The following SLCO5A1 variants were observed in gnomAD, a reference collection of about 807,000 sequenced individuals.
SLCO5A1 encodes organic anion transporter polypeptide-related protein 4.
SLCO5A1 carries 39 observed loss-of-function variants against 65.1 expected under a neutral mutation model. The ratio of observed to expected loss-of-function variants is 0.60; its 90% CI spans 0.46 to 0.78. The LOEUF (loss-of-function observed/expected upper bound fraction) is 0.78. Ranked by LOEUF, SLCO5A1 falls within the 30% of genes least tolerant of loss-of-function variation. The probability of loss-of-function intolerance (pLI) is 0.00; values close to 1 mark genes in which losing one functional copy is unlikely to be tolerated. For synonymous variants in SLCO5A1, 438 were observed against 415.7 expected (o/e 1.05, Z -0.65); for missense variants, 1,029 against 1,069.4 (o/e 0.96, Z 0.53).
intron 5 of SLCO5A1, among the ~76,000 whole-genome samples, chr8:69,711,961 A>T (rs770788545): frequency 6.6e-6 from 1 of 152,228 alleles, no homozygotes; most frequent in East Asian, 1.9e-4. Context: ...AAATTCCTAT[A>T]TGCTATTTAA....
chr8:69,731,124 C>G lies in SLCO5A1; in HGVS notation c.1423+6916G>C, dbSNP rs1041778115. 2.6e-5 allele frequency among the ~76,000 whole-genome samples: 4 copies of G among 152,190 alleles called. No homozygotes were observed. In the Middle Eastern group the frequency reaches 0.01, roughly 388 times the overall value. ...GTGATTCTCATGCCTCTCAGCCTCC[C>G]AAGTAGCTGGGATTATAGGCACGTG... On this transcript the variant is annotated intron_variant, in intron 5 of 9. Transcript: ENST00000260126.
intron 2 of SLCO5A1, among the ~76,000 whole-genome samples, chr8:69,804,463 G>A (rs976082891): frequency 6.6e-6 from 1 of 152,014 alleles, no homozygotes; most frequent in Non-Finnish European, 1.5e-5. Context: ...ACAGGCACAG[G>A]CCACCACACC....
At chr8:69,755,703 A>G in intron 3 of SLCO5A1, 62 bp from the exon 4 acceptor site, 1 of 1,444,338 alleles carries the variant, frequency 6.9e-7, no homozygotes, top group Non-Finnish European at 9.4e-7. Context: ...AGAACAAATT[A>G]GTAAAGCAGA....
chr8:69,798,788 G>T (rs930296805), intron 2 of SLCO5A1, among the ~76,000 whole-genome samples: 2 of 152,220 alleles, frequency 1.3e-5, no homozygotes, highest in Admixed American at 6.5e-5. Context: ...GGTGGATGAA[G>T]AAGTTTCCAA....
intron 6 of SLCO5A1, among the ~76,000 whole-genome samples, chr8:69,690,668 G>A (rs16936315): frequency 0.07 from 10,658 of 152,222 alleles, 918 homozygotes; most frequent in African/African-American, 0.2. Flanking sequence ...GTCTGAATAC[G>A]ATGGGGCAAT....
At chr8:69,675,089 A>ATTACCCCTTT (rs1214882407) in intron 9 of SLCO5A1, among the ~76,000 whole-genome samples, 20 of 151,614 alleles carry the variant, frequency 1.3e-4, no homozygotes, top group African/African-American at 4.8e-4. Flanking sequence ...TTCTTATTCA[A>ATTACCCCTTT]TTACCCCTTT....
chr8:69,716,811 G>T (rs1426400117), intron 5 of SLCO5A1, among the ~76,000 whole-genome samples: 1 of 146,876 alleles, frequency 6.8e-6, no homozygotes, highest in Non-Finnish European at 1.5e-5. Context: ...ACAGGGCCTT[G>T]CTCTGTCACC....
Position 69,826,206 on chromosome 8 carries a change from G to C in SLCO5A1, c.907+5561C>G, listed in dbSNP as rs1485342915. Among the ~76,000 whole-genome samples, 3 of 151,924 alleles carry C rather than the reference G, an allele frequency of 2.0e-5. No homozygotes were observed. The East Asian group carries it at 5.8e-4, about 29-fold the overall frequency. The stretch of plus-strand genomic sequence containing the variant: ...AAGAAAACCTAGGCATTACCATTCA[G>C]GACATAGGCATGGGCAAGGACTTCA... On this transcript the variant is annotated intron_variant, in intron 2 of 9. Transcript: ENST00000260126.
At chr8:69,715,995 C>T (rs1815510726) in intron 5 of SLCO5A1, among the ~76,000 whole-genome samples, 2 of 152,312 alleles carry the variant, frequency 1.3e-5, no homozygotes, top group Middle Eastern at 3.4e-3. Flanking sequence ...TTGCCCCGCA[C>T]TGCTCCAGCC....
At position 69,782,777 on chromosome 8, in the gene SLCO5A1, T is replaced by C. The variant is rs1161858145; in HGVS notation, c.908-20902A>G. On this transcript the variant is annotated intron_variant, in intron 2 of 9. Coordinates refer to ENST00000260126, the MANE Select transcript of SLCO5A1 (RefSeq NM_030958.3). ...TGTAGTCGTCTACAGTCTACTCTTATGAAAAAGACAAAAGTGCCAAATGAC... is the reference window on the plus strand; with the variant it reads ...TGTAGTCGTCTACAGTCTACTCTTACGAAAAAGACAAAAGTGCCAAATGAC... 4.6e-5 allele frequency among the ~76,000 whole-genome samples: 7 copies of C among 152,152 alleles called. No individual in the cohort carries two copies. The South Asian group carries it at 1.0e-3, about 22-fold the overall frequency.
intron 4 of SLCO5A1, among the ~76,000 whole-genome samples, chr8:69,742,883 C>T (rs142837321): frequency 7.1e-6 from 1 of 139,906 alleles, no homozygotes; most frequent in Admixed American, 7.4e-5. Flanking sequence ...TGACTGTAAC[C>T]TCTGCCCCCA....
chr8:69,688,722 T>C (rs1292084716), intron 6 of SLCO5A1, among the ~76,000 whole-genome samples: 1 of 152,218 alleles, frequency 6.6e-6, no homozygotes, highest in Non-Finnish European at 1.5e-5. Context: ...CACATTTTCT[T>C]AATCCAGTCT....
intron 4 of SLCO5A1, among the ~76,000 whole-genome samples, chr8:69,750,729 G>A (rs1446755193): frequency 4.6e-5 from 7 of 152,080 alleles, no homozygotes; most frequent in Non-Finnish European, 7.4e-5. Flanking sequence ...CCCTCAACTG[G>A]ATGCTCCTTC....
At position 69,735,743 on chromosome 8, in the gene SLCO5A1, G is replaced by A. The variant is rs138395966; in HGVS notation, c.1423+2297C>T. On this transcript the variant is annotated intron_variant, in intron 5 of 9. Coordinates refer to ENST00000260126, the MANE Select transcript of SLCO5A1 (RefSeq NM_030958.3). ...GGGCTTAATACCCAGGTGATGGGTT[G>A]GTAGGTGCAGCAAACCACCATGGCA... 1.7e-3 allele frequency among the ~76,000 whole-genome samples: 262 copies of A among 152,218 alleles called. 1 individual carries two copies. Among genetic ancestry groups the A allele is most frequent in the African/African-American group, 5.5e-3 (229 of 41,528 alleles).
At chr8:69,730,151 T>C (rs562990214) in intron 5 of SLCO5A1, among the ~76,000 whole-genome samples, 3 of 152,324 alleles carry the variant, frequency 2.0e-5, no homozygotes, top group South Asian at 2.1e-4. Flanking sequence ...GGTAAGCAAC[T>C]TGGCTAAAAG....
Position 69,667,684 on chromosome 8 carries a change from C to T in SLCO5A1, c.*5185G>A, listed in dbSNP as rs1813220992. The T allele has an allele frequency of 6.6e-6, 1 of 152,140 alleles. No homozygotes were observed. Among genetic ancestry groups the T allele is most frequent in the Non-Finnish European group, 1.5e-5 (1 of 68,020 alleles). The allele number at this position is 152,140 out of a possible 1,614,324, so 9.4% of individuals were successfully genotyped here. A position where few individuals can be genotyped will look rare whatever the true frequency, so the allele number is the denominator to read the frequency against. Reference sequence around the variant, plus strand: ...ACCAGAAAAGATAACACCTTCAAAACCCCAGTGTTAAAAATACCTTACATG... The same window carrying T: ...ACCAGAAAAGATAACACCTTCAAAATCCCAGTGTTAAAAATACCTTACATG... On this transcript the variant is annotated 3_prime_UTR_variant, in exon 10 of 10. Coordinates refer to ENST00000260126, the MANE Select transcript of SLCO5A1 (RefSeq NM_030958.3).
At chr8:69,770,241 A>G (rs2130872630) in intron 2 of SLCO5A1, among the ~76,000 whole-genome samples, 1 of 152,254 alleles carries the variant, frequency 6.6e-6, no homozygotes, top group Admixed American at 6.5e-5. Flanking sequence ...TATCTAGCTG[A>G]GATTATTGCT....
chr8:69,701,658 GT>G (rs1373542043), intron 6 of SLCO5A1, among the ~76,000 whole-genome samples: 6 of 152,104 alleles, frequency 3.9e-5, no homozygotes, highest in African/African-American at 1.4e-4. Flanking sequence ...CCTGCTTCGA[GT>G]TGTCCCGCCT....
At chr8:69,773,367 G>A (rs189190660) in intron 2 of SLCO5A1, among the ~76,000 whole-genome samples, 1 of 152,204 alleles carries the variant, frequency 6.6e-6, no homozygotes, top group Admixed American at 6.5e-5. Context: ...TTGAGGGCAG[G>A]CTCCAGCATC....
Sources: allele counts gnomAD v4.1 joint callset (sites outside exome capture counted in the v4.1 genomes callset), GRCh38; gene constraint gnomAD v4.1.1; transcripts MANE v1.5; gene names NCBI Gene and HGNC (gene_info 2026-07-23, HGNC 2026-07-21).